PRKCA: variants seen among roughly 807,000 people sequenced by gnomAD.
PRKCA encodes protein kinase C alpha type.
A neutral mutation model predicts 87.0 loss-of-function variants in PRKCA; 27 were observed. The observed-to-expected ratio is 0.31, with a 90% CI of 0.23 to 0.43. The LOEUF is 0.43. Among genes scored for constraint, PRKCA ranks in the 20% least tolerant of loss-of-function variants. The pLI, the probability that PRKCA is intolerant of heterozygous loss-of-function variation, is 1.00. For missense variants in PRKCA, 518 were observed against 852.3 expected (o/e 0.61, Z 4.88); for synonymous variants, 329 against 311.1 (o/e 1.06, Z -0.61).
intron 3 of PRKCA, among the ~76,000 whole-genome samples, chr17:66,551,025 G>A (rs2143216050): frequency 6.6e-6 from 1 of 152,268 alleles, no homozygotes; most frequent in South Asian, 2.1e-4. Flanking sequence ...AAACACAGTG[G>A]CTTAAAACAA....
chr17:66,389,365 C>T (rs1910238930), intron 2 of PRKCA, among the ~76,000 whole-genome samples: 1 of 152,216 alleles, frequency 6.6e-6, no homozygotes, highest in South Asian at 2.1e-4. Flanking sequence ...GGAGGAACAG[C>T]ACGCGGGGTT....
At chr17:66,460,241 G>A (rs971514149) in intron 2 of PRKCA, among the ~76,000 whole-genome samples, 1 of 152,116 alleles carries the variant, frequency 6.6e-6, no homozygotes, top group Non-Finnish European at 1.5e-5. Context: ...AGAGTTGAAT[G>A]GTATGTGGGC....
In PRKCA at chr17:66,810,632, CTT is replaced by C. The variant is rs57890988; in HGVS notation, c.*6603_*6604del. ...GACGGATGTGTAAATTACTGCATTGCTTTTTTTTTCAGTTTGTATAACCTCTA... is the reference window on the plus strand; with the variant it reads ...GACGGATGTGTAAATTACTGCATTGCTTTTTTTCAGTTTGTATAACCTCTA... On this transcript the variant is annotated 3_prime_UTR_variant, in exon 17 of 17. Transcript: ENST00000413366. 1.3e-5 allele frequency: 2 copies of C among 150,930 alleles called. No individual in the cohort carries two copies. Among genetic ancestry groups the C allele is most frequent in the African/African-American group, 4.9e-5 (2 of 41,054 alleles). 9.3% of individuals were successfully genotyped at this position (150,930 alleles called of 1,614,324 possible).
At chr17:66,340,836 T>A (rs1178959560) in intron 2 of PRKCA, among the ~76,000 whole-genome samples, 1 of 152,110 alleles carries the variant, frequency 6.6e-6, no homozygotes, top group Non-Finnish European at 1.5e-5. Flanking sequence ...TATTTGGCAA[T>A]TGAGAAGGTA....
At chr17:66,490,194 C>T (rs1916176418) in intron 2 of PRKCA, among the ~76,000 whole-genome samples, 3 of 152,114 alleles carry the variant, frequency 2.0e-5, no homozygotes, top group Non-Finnish European at 4.4e-5. Context: ...TTTATAATTT[C>T]ATAAATATTG....
intron 2 of PRKCA, among the ~76,000 whole-genome samples, chr17:66,350,554 ACT>A (rs1907679562): frequency 6.6e-6 from 1 of 151,622 alleles, no homozygotes; most frequent in Non-Finnish European, 1.5e-5. Flanking sequence ...ACAGGATCTT[ACT>A]CTCTCACCCA....
At chr17:66,785,176 C>T (rs1050301367) in intron 14 of PRKCA, among the ~76,000 whole-genome samples, 3 of 152,122 alleles carry the variant, frequency 2.0e-5, no homozygotes, top group African/African-American at 7.2e-5. Context: ...GCACGTGGCT[C>T]CTGTCCAGGA....
At chr17:66,655,891 C>G (rs371041980) in intron 5 of PRKCA, among the ~76,000 whole-genome samples, 1 of 152,158 alleles carries the variant, frequency 6.6e-6, no homozygotes, top group African/African-American at 2.4e-5. Flanking sequence ...AGAGAAACAT[C>G]TATCAGCTAA....
At chr17:66,518,610 T>A (rs1967050623) in intron 3 of PRKCA, among the ~76,000 whole-genome samples, 1 of 152,160 alleles carries the variant, frequency 6.6e-6, no homozygotes, top group Non-Finnish European at 1.5e-5. Context: ...ATTTTAGACC[T>A]CCTGAAATTT....
At chr17:66,488,194 T>C (rs1379177946) in intron 2 of PRKCA, among the ~76,000 whole-genome samples, 2 of 152,226 alleles carry the variant, frequency 1.3e-5, no homozygotes, top group Admixed American at 1.3e-4. Context: ...CTTTAGTATT[T>C]AGAATTCTTT....
At chr17:66,355,850 T>C (rs150201354) in intron 2 of PRKCA, among the ~76,000 whole-genome samples, 1,730 of 152,344 alleles carry the variant, frequency 0.011, 18 homozygotes, top group Non-Finnish European at 0.019. Context: ...CTTGAAAATA[T>C]ACCTTCCCAA....
intron 13 of PRKCA, among the ~76,000 whole-genome samples, chr17:66,746,369 G>T (rs1974285484): frequency 6.6e-6 from 1 of 151,622 alleles, no homozygotes; most frequent in Non-Finnish European, 1.5e-5. Flanking sequence ...TCAGTAATTT[G>T]GCATATTTGG....
In PRKCA at chr17:66,560,944, C is replaced by T. The variant is rs1410979651; in HGVS notation, c.288+64661C>T. The stretch of plus-strand genomic sequence containing the variant: ...ATTGTCGGCTGTCTTCCCAAGTCAG[C>T]GCCATCTTCCTTCCTGCTCATTTCC... On this transcript the variant is annotated intron_variant, in intron 3 of 16. Coordinates refer to ENST00000413366, the MANE Select transcript of PRKCA (RefSeq NM_002737.3). 1.1e-4 allele frequency among the ~76,000 whole-genome samples: 17 copies of T among 152,262 alleles called. 1 individual carries two copies. In the East Asian group the frequency reaches 2.1e-3, roughly 19 times the overall value.
rs151129431 is a variant in PRKCA at position 66,350,530 on chromosome 17, T to A, written c.205+44403T>A. ...TTGGGGCCAGTTTTATTATTTTTTTTAATCTTTTTTGAGACAGGATCTTAC... is the reference window on the plus strand; with the variant it reads ...TTGGGGCCAGTTTTATTATTTTTTTAAATCTTTTTTGAGACAGGATCTTAC... On this transcript the variant is annotated intron_variant, in intron 2 of 16. Coordinates refer to ENST00000413366, the MANE Select transcript of PRKCA (RefSeq NM_002737.3). Among the ~76,000 whole-genome samples the A allele has an allele frequency of 3.2e-4, 48 of 152,282 alleles. No homozygotes were observed. In the East Asian group the frequency reaches 4.6e-3, roughly 15 times the overall value.
intron 2 of PRKCA, among the ~76,000 whole-genome samples, chr17:66,322,622 C>T (rs1160548578): frequency 6.7e-6 from 1 of 148,780 alleles, no homozygotes; most frequent in African/African-American, 2.5e-5. Flanking sequence ...CTCACCGTGC[C>T]CAGCTAATTT....
intron 2 of PRKCA, among the ~76,000 whole-genome samples, chr17:66,387,727 C>T (rs1910139970): frequency 6.6e-6 from 1 of 152,188 alleles, no homozygotes; most frequent in African/African-American, 2.4e-5. Flanking sequence ...CCTGTCTGCT[C>T]CCCAGGGGTG....
At position 66,534,851 on chromosome 17, in the gene PRKCA, A is replaced by G. The variant is rs1967714862; in HGVS notation, c.288+38568A>G. The stretch of plus-strand genomic sequence containing the variant: ...GACATGAAGGGGAATTGCCTGGGGT[A>G]GACTTAGGCTGTCTAGTGTCATATG... On this transcript the variant is annotated intron_variant, in intron 3 of 16. Coordinates refer to ENST00000413366, the MANE Select transcript of PRKCA (RefSeq NM_002737.3). Among the ~76,000 whole-genome samples, 3 of 152,198 alleles carry G rather than the reference A, an allele frequency of 2.0e-5. No individual in the cohort carries two copies. In the South Asian group the frequency reaches 6.2e-4, roughly 32 times the overall value.
chr17:66,736,393 T>C (rs1208443655), intron 10 of PRKCA, among the ~76,000 whole-genome samples: 1 of 151,984 alleles, frequency 6.6e-6, no homozygotes, highest in African/African-American at 2.4e-5. Context: ...TTCTCCTGCC[T>C]CAGCCTCTCG....
At chr17:66,336,053 G>A (rs1165579261) in intron 2 of PRKCA, among the ~76,000 whole-genome samples, 7 of 152,100 alleles carry the variant, frequency 4.6e-5, no homozygotes, top group African/African-American at 7.2e-5. Flanking sequence ...GCTAAACAAT[G>A]ATATGTCATC....
Sources: gnomAD v4.1 joint callset for allele counts (sites outside exome capture counted in the v4.1 genomes callset) on GRCh38, gnomAD v4.1.1 for gene constraint, MANE v1.5 for transcripts, NCBI Gene and HGNC (gene_info 2026-07-23, HGNC 2026-07-21) for gene names.